Variants in MCPH1 observed in about 807,000 individuals in gnomAD.
The protein encoded by MCPH1 is microcephalin.
In MCPH1, 104 loss-of-function variants were observed where a neutral mutation model predicts 84.5. The ratio of observed to expected loss-of-function variants is 1.23; its 90% confidence interval spans 1.05 to 1.45. The LOEUF is 1.45. Ranked by LOEUF, MCPH1 falls within the 40% of genes most tolerant of loss-of-function variation. MCPH1 has a pLI of 0.00. For missense variants in MCPH1, 1,498 were observed against 1,005.7 expected (o/e 1.49, Z -6.62); for synonymous variants, 514 against 366.8 (o/e 1.40, Z -4.58).
chr8:6,502,901 G>A (rs1032417113), intron 12 of MCPH1: 23 of 583,402 alleles, frequency 3.9e-5, no homozygotes, highest in African/African-American at 3.4e-4. Context: ...GATGTTTAGG[G>A]TCTTGCTTTG....
intron 12 of MCPH1, chr8:6,508,911 A>T (rs753747916): frequency 1.2e-6 from 2 of 1,614,020 alleles, no homozygotes; most frequent in Non-Finnish European, 1.7e-6. Flanking sequence ...TACAAATAGG[A>T]AGACAGAAAG....
intron 13 of MCPH1, among the ~76,000 whole-genome samples, chr8:6,631,081 G>A (rs1289458283): frequency 1.3e-5 from 2 of 152,214 alleles, no homozygotes; most frequent in South Asian, 2.1e-4. Flanking sequence ...GCCTGATAGA[G>A]GAAAGCCATC....
intron 12 of MCPH1, among the ~76,000 whole-genome samples, chr8:6,510,556 G>T (rs1211213887): frequency 6.6e-6 from 1 of 152,200 alleles, no homozygotes; most frequent in Non-Finnish European, 1.5e-5. Context: ...ATGCACACTG[G>T]ATGCTTATAA....
intron 12 of MCPH1, among the ~76,000 whole-genome samples, chr8:6,549,693 C>T (rs1823273230): frequency 6.6e-6 from 1 of 150,376 alleles, no homozygotes; most frequent in Non-Finnish European, 1.5e-5. Context: ...CCGTATCGAG[C>T]TGGGCGGTCA....
At chr8:6,449,493 C>T (rs1033166757) in intron 8 of MCPH1, among the ~76,000 whole-genome samples, 2 of 152,016 alleles carry the variant, frequency 1.3e-5, no homozygotes, top group African/African-American at 4.8e-5. Flanking sequence ...ATTAGCCAGG[C>T]GTGGTGGCAC....
At chr8:6,540,133 C>G (rs1437279569) in intron 12 of MCPH1, among the ~76,000 whole-genome samples, 1 of 152,172 alleles carries the variant, frequency 6.6e-6, no homozygotes, top group Non-Finnish European at 1.5e-5. Context: ...CTGGCAAATC[C>G]TATCCGCTTT....
At chr8:6,558,104 C>T (rs1586615659) in intron 12 of MCPH1, among the ~76,000 whole-genome samples, 1 of 152,262 alleles carries the variant, frequency 6.6e-6, no homozygotes, top group East Asian at 1.9e-4. Flanking sequence ...TCCTTCCAAC[C>T]TCTCGTCATG....
At chr8:6,516,066 A>G (rs2515427) in intron 12 of MCPH1, among the ~76,000 whole-genome samples, 9,188 of 152,276 alleles carry the variant, frequency 0.06, 310 homozygotes, top group African/African-American at 0.079. Flanking sequence ...AAGGTCACCC[A>G]GCTCGTATTG....
At chr8:6,462,429 C>T (rs1806390303) in intron 9 of MCPH1, among the ~76,000 whole-genome samples, 1 of 152,150 alleles carries the variant, frequency 6.6e-6, no homozygotes, top group Non-Finnish European at 1.5e-5. Context: ...TTTACTTTTT[C>T]AGTGAACATG....
At chr8:6,512,091 C>A (rs2129567112) in intron 12 of MCPH1, among the ~76,000 whole-genome samples, 1 of 151,972 alleles carries the variant, frequency 6.6e-6, no homozygotes, top group East Asian at 1.9e-4. Context: ...TCGGTTGTTG[C>A]CTCTCCAGGA....
intron 12 of MCPH1, among the ~76,000 whole-genome samples, chr8:6,580,238 C>T (rs577822564): frequency 4.3e-4 from 66 of 152,332 alleles, no homozygotes; most frequent in African/African-American, 1.6e-3. Context: ...CTCCCCTGTA[C>T]TCACGAAGCC....
At chr8:6,556,145 CT>C (rs538920544) in intron 12 of MCPH1, among the ~76,000 whole-genome samples, 9 of 149,082 alleles carry the variant, frequency 6.0e-5, no homozygotes, top group African/African-American at 4.9e-5. Context: ...CTCAGGCTCA[CT>C]TTTTTTTTTA....
chr8:6,431,364 A>T, intron 3 of MCPH1, 135 bp from the exon 4 acceptor site: 1 of 680,038 alleles, frequency 1.5e-6, no homozygotes, highest in Non-Finnish European at 2.6e-6. Flanking sequence ...TTGCAGTTGT[A>T]TTTATTTTTT....
intron 12 of MCPH1, among the ~76,000 whole-genome samples, chr8:6,551,613 T>C (rs531853182): frequency 3.3e-5 from 5 of 152,222 alleles, no homozygotes; most frequent in Non-Finnish European, 7.3e-5. Flanking sequence ...TAAGAACATG[T>C]CACTGGTGCA....
chr8:6,584,299 G>A (rs1338087691), intron 12 of MCPH1, among the ~76,000 whole-genome samples: 3 of 152,286 alleles, frequency 2.0e-5, no homozygotes, highest in Non-Finnish European at 4.4e-5. Context: ...TCCTCTTCAT[G>A]AAATGTTTAC....
At chr8:6,454,168 G>A (rs1054706715) in intron 8 of MCPH1, among the ~76,000 whole-genome samples, 9 of 152,078 alleles carry the variant, frequency 5.9e-5, no homozygotes, top group Non-Finnish European at 2.9e-5. Flanking sequence ...TTAATTTCAC[G>A]TTGCATTATA....
At chr8:6,516,778 T>A (rs556133970) in intron 12 of MCPH1, among the ~76,000 whole-genome samples, 12 of 152,330 alleles carry the variant, frequency 7.9e-5, no homozygotes, top group African/African-American at 2.4e-4. Flanking sequence ...AATGTTTGAT[T>A]CTTCAGTGTC....
intron 13 of MCPH1, among the ~76,000 whole-genome samples, chr8:6,633,008 T>C (rs990721339): frequency 8.8e-5 from 13 of 147,096 alleles, no homozygotes; most frequent in Admixed American, 2.0e-4. Context: ...GAAGATTCAA[T>C]GCCGAGTAAT....
intron 12 of MCPH1, among the ~76,000 whole-genome samples, chr8:6,552,936 G>T (rs778632451): frequency 4.6e-5 from 7 of 152,184 alleles, no homozygotes; most frequent in Non-Finnish European, 1.0e-4. Context: ...AAAGGATCAG[G>T]GTTTGCCAGG....
Sources: gnomAD v4.1 joint callset for allele counts (sites outside exome capture counted in the v4.1 genomes callset) on GRCh38, gnomAD v4.1.1 for gene constraint, MANE v1.5 for transcripts, NCBI Gene and HGNC (gene_info 2026-07-23, HGNC 2026-07-21) for gene names.